ACCSL: variants seen among roughly 807,000 people sequenced by gnomAD.
ACCSL encodes probable inactive 1-aminocyclopropane-1-carboxylate synthase-like protein 2.
In ACCSL, 55 loss-of-function variants were observed where a neutral mutation model predicts 61.7. That is an observed-to-expected ratio of 0.89 (90% confidence interval 0.72 to 1.12). The LOEUF (loss-of-function observed/expected upper bound fraction) is 1.12. Among genes scored for constraint, ACCSL ranks in the 50% most tolerant of loss-of-function variants. The probability of loss-of-function intolerance (pLI) is 0.00; values close to 1 mark genes in which losing one functional copy is unlikely to be tolerated. For synonymous variants in ACCSL, 258 were observed against 264.3 expected, an observed-to-expected ratio of 0.98 and a Z score of 0.23; for missense variants, 632 against 698.0, an observed-to-expected ratio of 0.91 and a Z score of 1.07.
At chr11:44,041,608 T>C in the ACCSL span, among the ~76,000 whole-genome samples, 1 of 152,246 alleles carries the variant, frequency 6.6e-6, no homozygotes, top group Middle Eastern at 3.4e-3. Context: ...TGTTAAACTC[T>C]TGTAGATCTT....
the ACCSL span, among the ~76,000 whole-genome samples, chr11:43,952,183 A>G: frequency 2.0e-5 from 3 of 152,068 alleles, no homozygotes; most frequent in Admixed American, 6.6e-5. Flanking sequence ...GATAATCAGC[A>G]TAGTACTGAT....
the ACCSL span, chr11:43,932,949 C>G: frequency 5.2e-6 from 2 of 385,462 alleles, no homozygotes; most frequent in Non-Finnish European, 1.0e-5. Flanking sequence ...TTGCCCTGGG[C>G]CACACAGCTC....
chr11:43,982,833 G>A, the ACCSL span, among the ~76,000 whole-genome samples: 1 of 152,212 alleles, frequency 6.6e-6, no homozygotes, highest in African/African-American at 2.4e-5. Context: ...GAATTAGGGA[G>A]TGCTCTTGGG....
the ACCSL span, among the ~76,000 whole-genome samples, chr11:43,948,367 A>T: frequency 6.6e-6 from 1 of 152,230 alleles, no homozygotes; most frequent in Non-Finnish European, 1.5e-5. Context: ...ATCCTGATAA[A>T]GTTTCTCAGG....
chr11:43,949,291 G>A, the ACCSL span, among the ~76,000 whole-genome samples: 1 of 152,210 alleles, frequency 6.6e-6, no homozygotes, highest in Non-Finnish European at 1.5e-5. Flanking sequence ...AAGAACTGCA[G>A]GGAGATAGCA....
At chr11:43,931,695 G>A in the ACCSL span, among the ~76,000 whole-genome samples, 2 of 152,184 alleles carry the variant, frequency 1.3e-5, no homozygotes, top group African/African-American at 2.4e-5. Flanking sequence ...AGTGCTTTTT[G>A]TTGGTGCCTG....
At chr11:44,014,369 C>T in the ACCSL span, among the ~76,000 whole-genome samples, 2 of 152,100 alleles carry the variant, frequency 1.3e-5, no homozygotes, top group Non-Finnish European at 2.9e-5. Flanking sequence ...GATGCCTCAT[C>T]GGCTGTCAGC....
the ACCSL span, among the ~76,000 whole-genome samples, chr11:43,927,069 T>C: frequency 6.6e-6 from 1 of 152,262 alleles, no homozygotes; most frequent in Non-Finnish European, 1.5e-5. Flanking sequence ...ATTTGCAGTA[T>C]ATATATTTTT....
At chr11:44,022,548 T>C in the ACCSL span, among the ~76,000 whole-genome samples, 1 of 152,206 alleles carries the variant, frequency 6.6e-6, no homozygotes, top group South Asian at 2.1e-4. Flanking sequence ...CATACGATCA[T>C]ATCATTGGTG....
At chr11:43,926,425 T>G in the ACCSL span, 1 of 436,276 alleles carries the variant, frequency 2.3e-6, no homozygotes, top group Non-Finnish European at 4.6e-6. Flanking sequence ...GTTTTCTCGT[T>G]CTTGCAGGCC....
chr11:44,052,965 C>T (rs753113548), intron 6 of ACCSL, 26 bp from the exon 7 acceptor site: 2 of 1,603,628 alleles, frequency 1.2e-6, no homozygotes, highest in South Asian at 1.1e-5. Flanking sequence ...TTAAGAGACA[C>T]TTCTCACATA....
the ACCSL span, among the ~76,000 whole-genome samples, chr11:44,024,467 G>C: frequency 1.3e-5 from 2 of 151,714 alleles, no homozygotes; most frequent in East Asian, 1.9e-4. Context: ...GTGTGTGTGT[G>C]TGTGTGTGTG....
chr11:44,015,244 G>T, the ACCSL span, among the ~76,000 whole-genome samples: 1 of 152,198 alleles, frequency 6.6e-6, no homozygotes, highest in African/African-American at 2.4e-5. Context: ...CTATAAGGTT[G>T]CAATACACCA....
At chr11:43,957,189 G>A in the ACCSL span, among the ~76,000 whole-genome samples, 1 of 152,094 alleles carries the variant, frequency 6.6e-6, no homozygotes, top group African/African-American at 2.4e-5. Context: ...AAGGTGGTTG[G>A]GTTACAGCTT....
At chr11:43,967,164 CTTCTTTTTTTT>C in the ACCSL span, among the ~76,000 whole-genome samples, 1 of 68,886 alleles carries the variant, frequency 1.5e-5, no homozygotes, top group Non-Finnish European at 2.7e-5. Flanking sequence ...TCTTCTTCTT[CTTCTTTTTTTT>C]TTTTTTTTTT....
chr11:43,987,423 G>A, the ACCSL span, among the ~76,000 whole-genome samples: 1 of 152,334 alleles, frequency 6.6e-6, no homozygotes, highest in African/African-American at 2.4e-5. Flanking sequence ...AGGTGGGAAG[G>A]TGTGGCGGGG....
chr11:43,948,143 T>G, the ACCSL span, among the ~76,000 whole-genome samples: 1 of 152,228 alleles, frequency 6.6e-6, no homozygotes. Flanking sequence ...TTTGCTGATT[T>G]AAAAGCCATC....
chr11:44,014,465 C>T, the ACCSL span, among the ~76,000 whole-genome samples: 2 of 145,882 alleles, frequency 1.4e-5, no homozygotes, highest in Non-Finnish European at 3.0e-5. Context: ...GAGCAATGAG[C>T]TGGCAGAGAG....
At chr11:43,979,846 C>CAAAA in the ACCSL span, among the ~76,000 whole-genome samples, 2 of 50,750 alleles carry the variant, frequency 3.9e-5, no homozygotes, top group Non-Finnish European at 8.8e-5. Context: ...GACTCTGTCT[C>CAAAA]AAAAAAAAAA....
Sources: allele counts gnomAD v4.1 joint callset (sites outside exome capture counted in the v4.1 genomes callset), GRCh38; gene constraint gnomAD v4.1.1; transcripts MANE v1.5; gene names NCBI Gene and HGNC (gene_info 2026-07-23, HGNC 2026-07-21).